Variants in KLF12 observed in about 807,000 individuals in gnomAD.
KLF12 encodes Krueppel-like factor 12.
A neutral mutation model predicts 37.8 loss-of-function variants in KLF12; 9 were observed. The observed-to-expected ratio is 0.24, with a 90% CI of 0.14 to 0.42. The LOEUF is 0.42. KLF12 is among the 10% of genes least tolerant of loss of function. The probability of loss-of-function intolerance (pLI) is 1.00; values close to 1 mark genes in which losing one functional copy is unlikely to be tolerated. For synonymous variants in KLF12, 208 were observed against 202.1 expected (o/e 1.03, Z -0.25); for missense variants, 411 against 516.0 (o/e 0.80, Z 1.97).
chr13:73,719,270 C>G (rs567898248), intron 6 of KLF12, among the ~76,000 whole-genome samples: 5 of 152,046 alleles, frequency 3.3e-5, no homozygotes, highest in Non-Finnish European at 1.5e-5. Context: ...GTTGGGATCC[C>G]CAGCATATAT....
chr13:74,213,337 T>C, the KLF12 span, among the ~76,000 whole-genome samples: 1 of 152,206 alleles, frequency 6.6e-6, no homozygotes, highest in Non-Finnish European at 1.5e-5. Flanking sequence ...CTTGTTCTCA[T>C]CTGGTTTGTC....
chr13:74,115,556 T>G (rs1323603683), intron 1 of KLF12, among the ~76,000 whole-genome samples: 3 of 151,978 alleles, frequency 2.0e-5, no homozygotes, highest in Non-Finnish European at 4.4e-5. Flanking sequence ...AATACAAAAA[T>G]TAGCCAGGCG....
intron 1 of KLF12, among the ~76,000 whole-genome samples, chr13:74,012,031 G>GT (rs1162921704): frequency 6.6e-6 from 1 of 152,036 alleles, no homozygotes; most frequent in African/African-American, 2.4e-5. Context: ...ATTTTATATA[G>GT]ACCTTAAAAC....
intron 1 of KLF12, among the ~76,000 whole-genome samples, chr13:74,080,997 T>A (rs1874853833): frequency 6.6e-6 from 1 of 152,210 alleles, no homozygotes; most frequent in African/African-American, 2.4e-5. Context: ...GCCTGTGGTT[T>A]ACACAGAGCC....
intron 1 of KLF12, among the ~76,000 whole-genome samples, chr13:74,084,948 T>A (rs970837451): frequency 6.6e-6 from 1 of 152,304 alleles, no homozygotes; most frequent in African/African-American, 2.4e-5. Flanking sequence ...TTGGTTTTTT[T>A]AAAAGAGAAA....
At chr13:73,825,064 C>T (rs1370517215) in intron 4 of KLF12, among the ~76,000 whole-genome samples, 3 of 142,228 alleles carry the variant, frequency 2.1e-5, no homozygotes, top group East Asian at 4.8e-4. Flanking sequence ...AGCAAAACTC[C>T]GCCTCAAAAA....
chr13:73,799,409 T>A (rs116124520), intron 5 of KLF12, among the ~76,000 whole-genome samples: 3,611 of 151,812 alleles, frequency 0.024, 124 homozygotes, highest in African/African-American at 0.08. Context: ...GAACCTAAAA[T>A]AAAAAGAAAT....
At chr13:74,199,207 C>T in the KLF12 span, among the ~76,000 whole-genome samples, 199 of 152,274 alleles carry the variant, frequency 1.3e-3, 1 homozygote, top group African/African-American at 4.5e-3. Context: ...CCAAAAACTC[C>T]ATGGTCTTGA....
At chr13:74,189,837 T>C in the KLF12 span, among the ~76,000 whole-genome samples, 4 of 152,170 alleles carry the variant, frequency 2.6e-5, no homozygotes, top group East Asian at 7.7e-4. Context: ...TAAAAAGTCA[T>C]TAAAAAATTT....
chr13:73,707,136 A>C (rs1875011991), intron 7 of KLF12, among the ~76,000 whole-genome samples: 1 of 152,332 alleles, frequency 6.6e-6, no homozygotes, highest in African/African-American at 2.4e-5. Context: ...AACTAGTCTG[A>C]GACCAGATAT....
At chr13:74,169,800 T>G in the KLF12 span, among the ~76,000 whole-genome samples, 1 of 152,172 alleles carries the variant, frequency 6.6e-6, no homozygotes, top group African/African-American at 2.4e-5. Context: ...AGAGACACCA[T>G]GAACATGAAG....
rs1444075807 is a variant in KLF12, at chr13:74,045,289, A to G, written c.-31-50236T>C. Among the ~76,000 whole-genome samples, 2 of 152,228 alleles carry G rather than the reference A, an allele frequency of 1.3e-5. 1 individual carries two copies. Among genetic ancestry groups the G allele is most frequent in the African/African-American group, 4.8e-5 (2 of 41,464 alleles). Reference sequence around the variant, plus strand: ...TATGTACCCTTGATGTGATGTAATGAGAACGGCACTTTACCTATGTGGTCC... The same window carrying G: ...TATGTACCCTTGATGTGATGTAATGGGAACGGCACTTTACCTATGTGGTCC... On this transcript the variant is annotated intron_variant, in intron 1 of 7. Transcript: ENST00000377669.
chr13:73,701,633 A>G (rs1311890755), intron 7 of KLF12, among the ~76,000 whole-genome samples: 3 of 151,944 alleles, frequency 2.0e-5, no homozygotes, highest in Non-Finnish European at 4.4e-5. Context: ...ATAAATCTTA[A>G]TAAGTTTTTT....
chr13:74,143,990 T>C, the KLF12 span, among the ~76,000 whole-genome samples: 1 of 152,212 alleles, frequency 6.6e-6, no homozygotes, highest in Non-Finnish European at 1.5e-5. Flanking sequence ...AGTTGAGAAG[T>C]ATCTGTATAC....
chr13:73,748,551 G>A (rs1878524939), intron 6 of KLF12, among the ~76,000 whole-genome samples: 1 of 152,156 alleles, frequency 6.6e-6, no homozygotes, highest in South Asian at 2.1e-4. Context: ...GAGAAAAGGT[G>A]CACTCTGCTA....
At chr13:74,208,555 G>A in the KLF12 span, among the ~76,000 whole-genome samples, 5 of 152,178 alleles carry the variant, frequency 3.3e-5, no homozygotes, top group Non-Finnish European at 7.3e-5. Context: ...GACAGAGTGA[G>A]TGTCCTTAGA....
At chr13:74,139,571 T>A in the KLF12 span, among the ~76,000 whole-genome samples, 12 of 152,228 alleles carry the variant, frequency 7.9e-5, no homozygotes, top group Non-Finnish European at 4.4e-5. Flanking sequence ...TAGAAGTTTT[T>A]ATATAAATAT....
chr13:73,764,095 T>TA (rs1879744854), intron 6 of KLF12, among the ~76,000 whole-genome samples: 2 of 152,056 alleles, frequency 1.3e-5, no homozygotes, highest in African/African-American at 2.4e-5. Context: ...TTCCCATACT[T>TA]AAAAAAAGGC....
At chr13:73,797,430 A>G (rs1000390575) in intron 5 of KLF12, among the ~76,000 whole-genome samples, 3 of 152,220 alleles carry the variant, frequency 2.0e-5, no homozygotes, top group African/African-American at 7.2e-5. Context: ...AATACAAATC[A>G]TAAATCTTTT....
Sources: allele counts gnomAD v4.1 joint callset (sites outside exome capture counted in the v4.1 genomes callset), GRCh38; gene constraint gnomAD v4.1.1; transcripts MANE v1.5; gene names NCBI Gene and HGNC (gene_info 2026-07-23, HGNC 2026-07-21).